Variants in RPL35 observed in about 807,000 individuals in gnomAD.
The protein encoded by RPL35 is large ribosomal subunit protein uL29.
RPL35 carries 2 observed loss-of-function variants against 15.6 expected under a neutral mutation model. That is an observed-to-expected ratio of 0.13 (90% CI 0.05 to 0.40). RPL35 has a LOEUF of 0.40. Ranked by LOEUF, RPL35 falls within the 10% of genes least tolerant of loss-of-function variation. RPL35 has a pLI of 0.99. For missense variants in RPL35, 111 were observed against 164.7 expected (o/e 0.67, Z 1.79); for synonymous variants, 93 against 67.9 (o/e 1.37, Z -1.82).
At chr9:124,858,489 G>T (rs1336807085) in intron 3 of RPL35, 1 of 716,912 alleles carries the variant, frequency 1.4e-6, no homozygotes. Flanking sequence ...CATGCTGGGG[G>T]CTGAGGCAGT....
chr9:124,860,054 C>G (rs1049254964), intron 3 of RPL35, 129 bp downstream of exon 3: 1 of 705,456 alleles, frequency 1.4e-6, no homozygotes, highest in African/African-American at 1.7e-5. Flanking sequence ...GTGAGCCCAG[C>G]AACAAATTGG....
At chr9:124,858,197 C>T in intron 3 of RPL35, 130 bp from the exon 4 acceptor site, 1 of 690,652 alleles carries the variant, frequency 1.4e-6, no homozygotes, top group Non-Finnish European at 2.2e-6. Flanking sequence ...GCCAGCAGGC[C>T]ACACATGTCA....
chr9:124,861,619 C>G (rs1829199000), intron 1 of RPL35, 64 bp from the exon 2 acceptor site: 1 of 1,582,780 alleles, frequency 6.3e-7, no homozygotes, highest in African/African-American at 1.3e-5. Flanking sequence ...ACCTGCGTGG[C>G]CAGCCCCCAA....
At chr9:124,861,767 C>G (rs1829201888) in intron 1 of RPL35, 143 bp downstream of exon 1, 1 of 1,346,708 alleles carries the variant, frequency 7.4e-7, no homozygotes. Flanking sequence ...AGCGAAGAGG[C>G]GGGTTGTGGT....
chr9:124,858,118 C>T (rs762297159), intron 3 of RPL35, 51 bp from the exon 4 acceptor site: 56 of 1,585,264 alleles, frequency 3.5e-5, no homozygotes, highest in Non-Finnish European at 4.6e-5. Context: ...TGAGGAGCTA[C>T]TGCAGCAGCT....
intron 3 of RPL35, among the ~76,000 whole-genome samples, chr9:124,859,677 T>C (rs1260111912): frequency 6.6e-6 from 1 of 152,104 alleles, no homozygotes; most frequent in Non-Finnish European, 1.5e-5. Context: ...GTTATCAAAA[T>C]TCAAGACTAA....
chr9:124,858,149 T>C (rs1235167276), intron 3 of RPL35, 82 bp from the exon 4 acceptor site: 4 of 1,456,198 alleles, frequency 2.7e-6, no homozygotes, highest in African/African-American at 2.8e-5. Context: ...GGGAGGGCCA[T>C]CCAGAGCCAC....
chr9:124,859,582 G>GTATTCTTCAGAATACATTCTTCA (rs1437658794), intron 3 of RPL35, among the ~76,000 whole-genome samples: 1 of 152,050 alleles, frequency 6.6e-6, no homozygotes, highest in Non-Finnish European at 1.5e-5. Context: ...AGAATACATT[G>GTATTCTTCAGAATACATTCTTCA]GATGCATGTG....
In RPL35 at chr9:124,860,268, C is replaced by T. The variant is rs919631034; in HGVS notation, c.141-4G>A. 1 of 1,612,352 alleles carries T rather than the reference C, an allele frequency of 6.2e-7. No homozygotes were observed. ...AATGGATTTCCGGACGACTCGGCTA[C>T]AAAACAGAGATGTCAGTGAAGATAG... On this transcript the variant is annotated splice_polypyrimidine_tract_variant and splice_region_variant and intron_variant, in intron 2 of 3. Transcript: ENST00000348462.
In RPL35 at chr9:124,861,948, A is replaced by G. The variant is rs1457711737; in HGVS notation, c.-36T>C. 3 of 1,595,818 alleles carry G rather than the reference A, an allele frequency of 1.9e-6. No homozygotes were observed. Among genetic ancestry groups the G allele is most frequent in the Admixed American group, 3.4e-5 (2 of 58,112 alleles). On this transcript the variant is annotated 5_prime_UTR_variant, in exon 1 of 4. Coordinates refer to ENST00000348462, the MANE Select transcript of RPL35 (RefSeq NM_007209.4). ...GCCGCCAACGCCGCCGCCCGCTCCG[A>G]GGGAAAGAGGAAGTAGGCGGGGCTG...
rs577012799 is a variant in RPL35, at chr9:124,858,658, C to T, written c.223-591G>A. On this transcript the variant is annotated intron_variant, in intron 3 of 3. Transcript: ENST00000348462. ...CCATCATCTGTCTTTCCATCCTTGG[C>T]TCCCACTCCTGCCCCACTTGTTCTC... 10 of 628,286 alleles carry T rather than the reference C, an allele frequency of 1.6e-5. No homozygotes were observed. The African/African-American group carries it at 1.8e-4, about 11-fold the overall frequency. The allele number at this position is 628,286 out of a possible 1,614,324, so 38.9% of individuals were successfully genotyped here. A position where few individuals can be genotyped will look rare whatever the true frequency, so the allele number is the denominator to read the frequency against.
chr9:124,858,041 C>G lies in RPL35; in HGVS notation c.249G>C (p.Leu83=), dbSNP rs144542585. The G allele has an allele frequency of 6.2e-7, 1 of 1,612,580 alleles. No homozygotes were observed. Among genetic ancestry groups the G allele is most frequent in the Non-Finnish European group, 8.5e-7 (1 of 1,180,014 alleles). ...YKGKKYKPLD[L]RPKKTRAMRR... ...GCATGGCACGTGTCTTCTTAGGCCG[C>G]AGGTCCAGGGGCTTGTACTTCTTGC... The change falls in exon 4 of 4, where the codon CTG becomes CTC. Residue 83 remains leucine, a synonymous_variant. Coordinates refer to ENST00000348462, the MANE Select transcript of RPL35 (RefSeq NM_007209.4).
chr9:124,861,259 G>C, intron 2 of RPL35, 160 bp downstream of exon 2: 1 of 885,978 alleles, frequency 1.1e-6, no homozygotes, highest in Middle Eastern at 3.6e-4. Context: ...GTCAAGGCAG[G>C]TAAGAGGCTA....
intron 1 of RPL35, 177 bp from the exon 2 acceptor site, chr9:124,861,732 G>C (rs1192604068): frequency 1.1e-5 from 15 of 1,316,872 alleles, no homozygotes; most frequent in Non-Finnish European, 1.4e-5. Flanking sequence ...ACCCAGGCCC[G>C]GGCCGCGCGC....
intron 3 of RPL35, among the ~76,000 whole-genome samples, chr9:124,859,472 C>G (rs149224841): frequency 6.6e-6 from 1 of 152,310 alleles, no homozygotes; most frequent in East Asian, 1.9e-4. Flanking sequence ...AAGTCTTAAG[C>G]ACAGGGCTGA....
At chr9:124,858,183 G>A in intron 3 of RPL35, 116 bp from the exon 4 acceptor site, 1 of 959,216 alleles carries the variant, frequency 1.0e-6, no homozygotes, top group Non-Finnish European at 1.5e-6. Context: ...GCCACCATGG[G>A]ACTGCCAGCA....
At position 124,861,280 on chromosome 9, in the gene RPL35, G is replaced by A. The variant is rs572855451; in HGVS notation, c.140+139C>T. 2.2e-4 allele frequency: 239 copies of A among 1,062,502 alleles called. No homozygotes were observed. The African/African-American group carries it at 2.4e-3, about 11-fold the overall frequency. 65.8% of individuals were successfully genotyped at this position (1,062,502 alleles called of 1,614,324 possible). On this transcript the variant is annotated intron_variant, in intron 2 of 3. Transcript: ENST00000348462. ...GCAGGTAAGAGGCTAAGCACACAACGGGTCTCCCATGCGCGCCAGGATGCA... is the reference window on the plus strand; with the variant it reads ...GCAGGTAAGAGGCTAAGCACACAACAGGTCTCCCATGCGCGCCAGGATGCA...
Position 124,858,588 on chromosome 9 carries a change from C to G in RPL35, c.223-521G>C, listed in dbSNP as rs970444990. The G allele has an allele frequency of 4.3e-6, 3 of 698,026 alleles. No homozygotes were observed. The African/African-American group carries it at 5.3e-5, about 12-fold the overall frequency. 43.2% of individuals were successfully genotyped at this position (698,026 alleles called of 1,614,324 possible). ...CCTGGCTGGCCAAGGCCACTTGCCCCACCTGCTTCCGGCTTTGGGGCCCCT... is the reference window on the plus strand; with the variant it reads ...CCTGGCTGGCCAAGGCCACTTGCCCGACCTGCTTCCGGCTTTGGGGCCCCT... On this transcript the variant is annotated intron_variant, in intron 3 of 3. Coordinates refer to ENST00000348462, the MANE Select transcript of RPL35 (RefSeq NM_007209.4).
rs1327145089 is a variant in RPL35, at chr9:124,860,253, C to T, written c.152G>A (p.Arg51Gln). Residue 51 changes from arginine to glutamine, a missense_variant, in exon 3 of 4, where the codon CGG becomes CAG. Physicochemically the swap from Arg to Gln is conservative, Grantham distance 43. Coordinates refer to ENST00000348462, the MANE Select transcript of RPL35 (RefSeq NM_007209.4). ...TGTGAGAACACGGGCAATGGATTTC[C>T]GGACGACTCGGCTACAAAACAGAGA... Reference protein sequence around the residue: ...ASKLSKIRVVRKSIARVLTVI... With the variant: ...ASKLSKIRVVQKSIARVLTVI... 6.2e-6 allele frequency: 10 copies of T among 1,613,700 alleles called. No individual in the cohort carries two copies. Among genetic ancestry groups the T allele is most frequent in the East Asian group, 2.2e-5 (1 of 44,898 alleles).
Sources: allele counts gnomAD v4.1 joint callset (sites outside exome capture counted in the v4.1 genomes callset), GRCh38; gene constraint gnomAD v4.1.1; transcripts MANE v1.5; gene names NCBI Gene and HGNC (gene_info 2026-07-23, HGNC 2026-07-21).